Variants in PFKL observed in about 807,000 individuals in gnomAD.
PFKL encodes phosphofructokinase, liver type.
PFKL carries 74 observed loss-of-function variants against 92.1 expected under a neutral mutation model. The observed-to-expected ratio is 0.80, with a 90% CI of 0.67 to 0.97. PFKL has a LOEUF of 0.97. Ranked by LOEUF, PFKL falls within the 50% of genes least tolerant of loss-of-function variation. The pLI is 0.00. For missense variants in PFKL, 1,028 were observed against 1,116.6 expected, an observed-to-expected ratio of 0.92 and a Z score of 1.13; for synonymous variants, 494 against 456.4, an observed-to-expected ratio of 1.08 and a Z score of -1.05.
intron 14 of PFKL, 108 bp downstream of exon 14, chr21:44,322,311 C>T (rs1012653403): frequency 2.0e-6 from 2 of 1,011,582 alleles, no homozygotes; most frequent in South Asian, 1.5e-5. Flanking sequence ...CTGGGCTCGG[C>T]CCCTCTTCCT....
intron 17 of PFKL, 34 bp downstream of exon 17, chr21:44,324,689 T>G (rs1220893080): frequency 6.4e-7 from 1 of 1,563,424 alleles, no homozygotes; most frequent in South Asian, 1.2e-5. Context: ...GCGGCAGACC[T>G]GCCGGCATGC....
At chr21:44,317,081 G>C (rs1401260773) in intron 9 of PFKL, among the ~76,000 whole-genome samples, 1 of 152,222 alleles carries the variant, frequency 6.6e-6, no homozygotes, top group South Asian at 2.1e-4. Context: ...CCTTGGTCCT[G>C]ATCACCGCTG....
In PFKL at chr21:44,323,792, G is replaced by C. The variant is rs772883914; in HGVS notation, c.1524G>C (p.Val508=). 1.2e-5 allele frequency: 19 copies of C among 1,612,384 alleles called. No homozygotes were observed. Among genetic ancestry groups the C allele is most frequent in the Non-Finnish European group, 1.5e-5 (18 of 1,179,744 alleles). ...FEAYEGVLQL[V]EARGRYEELC... ...CCTATGAAGGGGTGCTGCAGCTGGT[G>C]GAGGCTCGCGGGCGCTACGAGGAGC... Residue 508 remains valine, a synonymous_variant, in exon 16 of 22, where the codon GTG becomes GTC. Coordinates refer to ENST00000349048, the MANE Select transcript of PFKL (RefSeq NM_002626.6).
At position 44,326,872 on chromosome 21, in the gene PFKL, T is replaced by G. The variant is rs771611982; in HGVS notation, c.*10T>G. The stretch of plus-strand genomic sequence containing the variant: ...GGACAAGGGCTTCTGAGGCCAGCCA[T>G]GCCCACGCCCCTCCCCAGCCCCCAC... On this transcript the variant is annotated 3_prime_UTR_variant, in exon 22 of 22. Transcript: ENST00000349048. 2.5e-6 allele frequency: 4 copies of G among 1,599,900 alleles called. No individual in the cohort carries two copies. In the East Asian group the frequency reaches 9.0e-5, roughly 36 times the overall value.
intron 1 of PFKL, among the ~76,000 whole-genome samples, chr21:44,302,157 G>A (rs1385975202): frequency 1.3e-5 from 2 of 152,250 alleles, no homozygotes; most frequent in Non-Finnish European, 2.9e-5. Flanking sequence ...GCTGCAGCTG[G>A]GAGGGTGCCC....
At position 44,327,212 on chromosome 21, in the gene PFKL, C is replaced by T; in HGVS notation, c.*350C>T. ...GCTGGGCTCACTACATGGGCCAGCC[C>T]TTGCTCTACCTGGCCGGTAGGCTGC... On this transcript the variant is annotated 3_prime_UTR_variant, in exon 22 of 22. Transcript: ENST00000349048. The T allele has an allele frequency of 3.2e-6, 1 of 312,778 alleles. No individual in the cohort carries two copies. The allele number at this position is 312,778 out of a possible 1,614,324, so 19.4% of individuals were successfully genotyped here.
intron 2 of PFKL, 99 bp downstream of exon 2, chr21:44,306,853 T>G: frequency 9.0e-7 from 1 of 1,108,216 alleles, no homozygotes; most frequent in Non-Finnish European, 1.3e-6. Flanking sequence ...GACGGGGTGG[T>G]CCTGGCCTGG....
Position 44,327,022 on chromosome 21 carries a change from C to G in PFKL, c.*160C>G. The G allele has an allele frequency of 3.0e-6, 2 of 668,426 alleles. No homozygotes were observed. The highest frequency in any genetic ancestry group is 5.1e-6 in the Non-Finnish European group (2 of 392,518). 41.4% of individuals were successfully genotyped at this position (668,426 alleles called of 1,614,324 possible). On this transcript the variant is annotated 3_prime_UTR_variant, in exon 22 of 22. Coordinates refer to ENST00000349048, the MANE Select transcript of PFKL (RefSeq NM_002626.6). The stretch of plus-strand genomic sequence containing the variant: ...CCTCTATCCCTGGCCACCTGCCAGG[C>G]CTCCCTCGGGCTGGTGTCTTGAGAC...
intron 2 of PFKL, among the ~76,000 whole-genome samples, chr21:44,308,525 C>T (rs1239601344): frequency 1.3e-5 from 2 of 150,636 alleles, no homozygotes; most frequent in Admixed American, 6.6e-5. Context: ...GGGAAAGGGG[C>T]ATGGGCAGCC....
At chr21:44,305,513 G>A (rs1169498623) in intron 1 of PFKL, 25 of 1,106,554 alleles carry the variant, frequency 2.3e-5, no homozygotes, top group Non-Finnish European at 3.0e-5. Flanking sequence ...CATGGCTTAG[G>A]GATGGATGGC....
intron 10 of PFKL, among the ~76,000 whole-genome samples, chr21:44,319,114 A>G (rs899759132): frequency 2.1e-4 from 32 of 152,118 alleles, no homozygotes; most frequent in African/African-American, 5.5e-4. Flanking sequence ...CTGGAGCTGG[A>G]GCTGCTGAGA....
chr21:44,324,125 G>A (rs1336393776), intron 16 of PFKL, among the ~76,000 whole-genome samples: 1 of 152,134 alleles, frequency 6.6e-6, no homozygotes, highest in African/African-American at 2.4e-5. Flanking sequence ...GTTGTTCCTC[G>A]CTACTGTGAT....
rs138773875 is a variant in PFKL at position 44,325,172 on chromosome 21, T to C, written c.1897T>C (p.Tyr633His). 7.4e-6 allele frequency: 12 copies of C among 1,611,982 alleles called. No homozygotes were observed. The African/African-American group carries it at 1.5e-4, about 20-fold the overall frequency. ...TCTCAGGAACGAGAAGTGCCATGAC[T>C]ACTACACCACGGAGTTCCTGTACAA... ...LVLRNEKCHD[Y>H]YTTEFLYNLY... The change falls in exon 19 of 22, where the codon TAC becomes CAC. Residue 633 changes from tyrosine (Y) to histidine (H), a missense_variant. Physicochemically the swap from Tyr to His is moderately conservative, Grantham distance 83. Transcript: ENST00000349048.
At position 44,326,125 on chromosome 21, in the gene PFKL, A is replaced by G. The variant is rs775099319; in HGVS notation, c.2090-34A>G. On this transcript the variant is annotated intron_variant, in intron 20 of 21. Coordinates refer to ENST00000349048, the MANE Select transcript of PFKL (RefSeq NM_002626.6). ...CCCTGGCTCCCTGGGGCAGGGCCTC[A>G]CCATGGAGGGCTGCCACGTGCCTCT... The G allele has an allele frequency of 1.0e-5, 16 of 1,606,890 alleles. No homozygotes were observed. The South Asian group carries it at 1.7e-4, about 17-fold the overall frequency.
chr21:44,305,347 G>A (rs1215586177), intron 1 of PFKL: 2 of 1,365,958 alleles, frequency 1.5e-6, no homozygotes, highest in Non-Finnish European at 2.0e-6. Context: ...CAGGGTAGAG[G>A]TCGAGAGTCC....
chr21:44,315,969 C>G (rs2047192570), intron 7 of PFKL: 1 of 482,466 alleles, frequency 2.1e-6, no homozygotes, highest in African/African-American at 2.0e-5. Flanking sequence ...CTGGGCCCAG[C>G]CCCGAGGGCC....
At chr21:44,324,745 C>T (rs1329769918) in intron 17 of PFKL, 90 bp downstream of exon 17, 4 of 1,567,304 alleles carry the variant, frequency 2.6e-6, no homozygotes, top group African/African-American at 1.3e-5. Flanking sequence ...AGGGCAGGGC[C>T]CGGGCAGGTG....
intron 18 of PFKL, 87 bp from the exon 19 acceptor site, chr21:44,325,066 T>TC (rs1222974621): frequency 5.0e-6 from 6 of 1,191,258 alleles, no homozygotes; most frequent in Non-Finnish European, 7.4e-6. Context: ...TGCCACTCCC[T>TC]CTCCCAGGCC....
intron 2 of PFKL, among the ~76,000 whole-genome samples, chr21:44,308,880 A>G (rs1182892008): frequency 3.3e-5 from 5 of 152,042 alleles, no homozygotes; most frequent in African/African-American, 1.2e-4. Context: ...TTTTTAGGGG[A>G]TTCAATGGGC....
Sources: gnomAD v4.1 joint callset for allele counts (sites outside exome capture counted in the v4.1 genomes callset) on GRCh38, gnomAD v4.1.1 for gene constraint, MANE v1.5 for transcripts, NCBI Gene and HGNC (gene_info 2026-07-23, HGNC 2026-07-21) for gene names.